IGSF21: variants seen among roughly 807,000 people sequenced by gnomAD.
IGSF21 encodes the protein immunoglobulin superfamily member 21.
In IGSF21, 28 loss-of-function variants were observed where a neutral mutation model predicts 46.8. That is an observed-to-expected ratio of 0.60 (90% CI 0.44 to 0.82). The LOEUF (loss-of-function observed/expected upper bound fraction) is 0.82. Among genes scored for constraint, IGSF21 ranks in the 40% least tolerant of loss-of-function variants. IGSF21 has a pLI of 0.00. For synonymous variants in IGSF21, 284 were observed against 273.6 expected (o/e 1.04, Z -0.38); for missense variants, 624 against 665.5 (o/e 0.94, Z 0.69).
chr1:18,220,076 G>T (rs116651887), intron 1 of IGSF21, among the ~76,000 whole-genome samples: 2 of 152,192 alleles, frequency 1.3e-5, no homozygotes, highest in Non-Finnish European at 2.9e-5. Context: ...ACCTGCTGAG[G>T]TGGGCACCAA....
At chr1:18,183,305 C>T (rs1052262781) in intron 1 of IGSF21, among the ~76,000 whole-genome samples, 2 of 152,220 alleles carry the variant, frequency 1.3e-5, no homozygotes, top group Admixed American at 1.3e-4. Context: ...TTTGGGGGCT[C>T]TTCCTTTCCA....
rs1242514939 is a variant in IGSF21, at chr1:18,335,316, C to T, written c.424+306C>T. Among the ~76,000 whole-genome samples the T allele has an allele frequency of 6.6e-6, 1 of 152,232 alleles. No individual in the cohort carries two copies. The highest frequency in any genetic ancestry group is 1.5e-5 in the Non-Finnish European group (1 of 68,042). On this transcript the variant is annotated intron_variant, in intron 4 of 9. Coordinates refer to ENST00000251296, the MANE Select transcript of IGSF21 (RefSeq NM_032880.5). The surrounding 1 kb of genome is among the most constrained non-coding windows in gnomAD (Gnocchi z 4.8). ...CCTCAGCCGAGATGCACACCTGCTGCAGAGGGAACTATTCTGCCCCTCAGC... is the reference window on the plus strand; with the variant it reads ...CCTCAGCCGAGATGCACACCTGCTGTAGAGGGAACTATTCTGCCCCTCAGC...
At chr1:18,222,414 T>G (rs1415320029) in intron 1 of IGSF21, among the ~76,000 whole-genome samples, 1 of 152,152 alleles carries the variant, frequency 6.6e-6, no homozygotes, top group Non-Finnish European at 1.5e-5. Flanking sequence ...TTTCCTAGAC[T>G]GGAGAGTGGA....
intron 6 of IGSF21, among the ~76,000 whole-genome samples, chr1:18,372,515 AGGATGGAT>A (rs55650912): frequency 1.9e-4 from 26 of 140,056 alleles, no homozygotes; most frequent in South Asian, 7.3e-4. Context: ...GATGGATGGA[AGGATGGAT>A]GGATGGATGG....
chr1:18,367,700 A>G (rs1352694136), intron 6 of IGSF21, among the ~76,000 whole-genome samples: 1 of 136,458 alleles, frequency 7.3e-6, no homozygotes, highest in Non-Finnish European at 1.5e-5. Context: ...TCAGCCTCCC[A>G]GGTTCAAGTG....
intron 1 of IGSF21, among the ~76,000 whole-genome samples, chr1:18,210,671 C>G (rs931920683): frequency 4.6e-5 from 7 of 152,236 alleles, no homozygotes; most frequent in Admixed American, 3.3e-4. Context: ...CCAGATGACT[C>G]TTGGTTGTGG....
intron 2 of IGSF21, among the ~76,000 whole-genome samples, chr1:18,233,495 C>T (rs1462330211): frequency 1.3e-5 from 2 of 152,310 alleles, no homozygotes; most frequent in South Asian, 4.1e-4. Context: ...GTGACCTAAC[C>T]TTTCAGCCTT....
intron 3 of IGSF21, among the ~76,000 whole-genome samples, chr1:18,317,611 C>G (rs2085556057): frequency 6.6e-6 from 1 of 152,228 alleles, no homozygotes; most frequent in African/African-American, 2.4e-5. Flanking sequence ...CACCCAATGG[C>G]TCCACATTCC....
At chr1:18,261,350 G>T (rs898409013) in intron 2 of IGSF21, among the ~76,000 whole-genome samples, 5 of 152,200 alleles carry the variant, frequency 3.3e-5, no homozygotes, top group African/African-American at 1.2e-4. Flanking sequence ...GCAGGGTTCG[G>T]ATGCTGGACC....
At chr1:18,361,290 C>G (rs2086097529) in intron 4 of IGSF21, 1 of 152,240 alleles carries the variant, frequency 6.6e-6, no homozygotes, top group East Asian at 1.9e-4. Context: ...AAAACCTGTG[C>G]TTTAAAGATA....
intron 3 of IGSF21, among the ~76,000 whole-genome samples, chr1:18,317,111 C>T (rs985753198): frequency 2.6e-5 from 4 of 152,226 alleles, no homozygotes; most frequent in Admixed American, 2.0e-4. Flanking sequence ...GCCTGCCCCT[C>T]TAGGCTTTGG....
chr1:18,309,488 G>C (rs536107702), intron 3 of IGSF21, among the ~76,000 whole-genome samples: 3 of 152,296 alleles, frequency 2.0e-5, no homozygotes, highest in African/African-American at 7.2e-5. Flanking sequence ...AGTCAGGTTA[G>C]GGTACTGGCC....
intron 2 of IGSF21, among the ~76,000 whole-genome samples, chr1:18,271,862 C>T (rs192175481): frequency 6.6e-6 from 1 of 152,274 alleles, no homozygotes; most frequent in East Asian, 1.9e-4. Context: ...TGGAGGATGG[C>T]ACCTTGAGAG....
intron 2 of IGSF21, among the ~76,000 whole-genome samples, chr1:18,285,472 C>G (rs2085203798): frequency 6.6e-6 from 1 of 152,160 alleles, no homozygotes; most frequent in South Asian, 2.1e-4. Flanking sequence ...TCTAGGCTGA[C>G]TCTTCTAGAA....
chr1:18,377,412 A>G lies in IGSF21; in HGVS notation c.1314A>G (p.Arg438=). The change falls in exon 9 of 10, where the codon AGA becomes AGG. Residue 438 remains arginine (R), a synonymous_variant. Transcript: ENST00000251296. ...CAACAGAAAACCCAAATATCCCAAG[A>G]GGAACGGAGGACTCTAATGGTAAGT... is the stretch of plus-strand genomic sequence containing the variant. ...LIVFENPNIP[R]GTEDSNGSIG... 1.2e-6 allele frequency: 2 copies of G among 1,613,640 alleles called. No homozygotes were observed. The highest frequency in any genetic ancestry group is 1.7e-6 in the Non-Finnish European group (2 of 1,179,550).
intron 5 of IGSF21, among the ~76,000 whole-genome samples, chr1:18,363,069 G>C (rs1432367245): frequency 6.6e-6 from 1 of 152,182 alleles, no homozygotes; most frequent in Admixed American, 6.5e-5. Context: ...ACATTTAAAA[G>C]TGAAGAGAGG....
In IGSF21 at chr1:18,337,757, C is replaced by T. The variant is rs1035275308; in HGVS notation, c.424+2747C>T. 6.6e-6 allele frequency among the ~76,000 whole-genome samples: 1 copy of T among 152,150 alleles called. No individual in the cohort carries two copies. On this transcript the variant is annotated intron_variant, in intron 4 of 9. Coordinates refer to ENST00000251296, the MANE Select transcript of IGSF21 (RefSeq NM_032880.5). The surrounding 1 kb of genome is among the most constrained non-coding windows in gnomAD (Gnocchi z 5.7). ...AATGATGGCAATGCCCCACACTTGC[C>T]CAATCTGAGCAATTTCAGAGGGGCT...
At chr1:18,255,449 T>A (rs2084883169) in intron 2 of IGSF21, among the ~76,000 whole-genome samples, 1 of 152,180 alleles carries the variant, frequency 6.6e-6, no homozygotes, top group African/African-American at 2.4e-5. Flanking sequence ...GACACACAGA[T>A]GACAAAATAA....
At chr1:18,306,728 G>C (rs972491164) in intron 3 of IGSF21, among the ~76,000 whole-genome samples, 1 of 152,228 alleles carries the variant, frequency 6.6e-6, no homozygotes, top group Non-Finnish European at 1.5e-5. Flanking sequence ...CTGATCCTGT[G>C]ACAGAGCCAT....
Sources: allele counts gnomAD v4.1 joint callset (sites outside exome capture counted in the v4.1 genomes callset), GRCh38; gene constraint gnomAD v4.1.1; non-coding constraint Gnocchi (gnomAD v3.1); transcripts MANE v1.5; gene names NCBI Gene and HGNC (gene_info 2026-07-23, HGNC 2026-07-21).